The following FUT8 variants were observed in gnomAD, a reference collection of about 807,000 sequenced individuals.
FUT8 encodes fucosyltransferase 8, also known as alpha-(1,6)-fucosyltransferase.
In FUT8, 29 loss-of-function variants were observed where a neutral mutation model predicts 71.3. The ratio of observed to expected loss-of-function variants is 0.41; its 90% confidence interval spans 0.30 to 0.55. The LOEUF (loss-of-function observed/expected upper bound fraction) is 0.55. Among genes scored for constraint, FUT8 ranks in the 20% least tolerant of loss-of-function variants. The pLI, the probability that FUT8 is intolerant of heterozygous loss-of-function variation, is 0.34. For missense variants in FUT8, 544 were observed against 702.1 expected, an observed-to-expected ratio of 0.77 and a Z score of 2.55; for synonymous variants, 254 against 239.3, an observed-to-expected ratio of 1.06 and a Z score of -0.57.
intron 9 of FUT8, among the ~76,000 whole-genome samples, chr14:65,729,692 T>G (rs1895875521): frequency 6.6e-6 from 1 of 152,050 alleles, no homozygotes; most frequent in Admixed American, 6.6e-5. Context: ...ATATAAACAT[T>G]TTACAGCTTT....
chr14:65,593,530 C>T (rs769134335), intron 3 of FUT8, among the ~76,000 whole-genome samples: 16 of 151,396 alleles, frequency 1.1e-4, no homozygotes, highest in South Asian at 4.2e-4. Context: ...TTAAAATAGC[C>T]GTAAAATGAT....
At chr14:65,420,634 C>T (rs2065279486) in intron 1 of FUT8, among the ~76,000 whole-genome samples, 1 of 151,910 alleles carries the variant, frequency 6.6e-6, no homozygotes, top group Admixed American at 6.6e-5. Flanking sequence ...GGAAGTGCAT[C>T]TAAAGTTTAG....
At chr14:65,581,389 A>G (rs1400584933) in intron 3 of FUT8, among the ~76,000 whole-genome samples, 1 of 152,114 alleles carries the variant, frequency 6.6e-6, no homozygotes, top group African/African-American at 2.4e-5. Context: ...GGTACCTGGT[A>G]TTTACCCGTG....
chr14:65,519,402 T>A (rs1882934430), intron 2 of FUT8, among the ~76,000 whole-genome samples: 1 of 152,224 alleles, frequency 6.6e-6, no homozygotes, highest in South Asian at 2.1e-4. Flanking sequence ...ATGGAATGAT[T>A]CCTTTAATGT....
At chr14:65,572,914 G>A (rs1042219788) in intron 3 of FUT8, among the ~76,000 whole-genome samples, 8 of 152,154 alleles carry the variant, frequency 5.3e-5, no homozygotes, top group African/African-American at 1.7e-4. Context: ...TAAAGATATA[G>A]CTGATGTGAA....
chr14:65,427,674 G>T (rs2065410534), intron 1 of FUT8, among the ~76,000 whole-genome samples: 1 of 152,018 alleles, frequency 6.6e-6, no homozygotes, highest in African/African-American at 2.4e-5. Flanking sequence ...TTCCTTCTTA[G>T]TAATTTTAAA....
rs1282390608 is a variant in FUT8 at position 65,742,950 on chromosome 14, T to TGTC, written c.*541_*543dup. Reference sequence around the variant, plus strand: ...GTTTTTGTTTTTTCCTTTATAAGGTTGTCTGTTTTTTTTTTTTTAAATAAT... The same window carrying TGTC: ...GTTTTTGTTTTTTCCTTTATAAGGTTGTCGTCTGTTTTTTTTTTTTTAAATAAT... On this transcript the variant is annotated 3_prime_UTR_variant, in exon 11 of 11. Coordinates refer to ENST00000673929, the MANE Select transcript of FUT8 (RefSeq NM_001371533.1). 6.6e-6 allele frequency: 1 copy of TGTC among 150,816 alleles called. No individual in the cohort carries two copies. Among genetic ancestry groups the TGTC allele is most frequent in the East Asian group, 1.9e-4 (1 of 5,160 alleles). 9.3% of individuals were successfully genotyped at this position (150,816 alleles called of 1,614,324 possible).
In FUT8 at chr14:65,616,287, T is replaced by G. The variant is rs368517345; in HGVS notation, c.396T>G (p.Ser132Arg). The change falls in exon 5 of 11, where the codon AGT becomes AGG. Residue 132 changes from serine (S) to arginine (R), a missense_variant. Physicochemically the swap from Ser to Arg is moderately radical, Grantham distance 110 (BLOSUM62 -1). Transcript: ENST00000673929. ...AAGAGCTCTGGTTTTTCCTACAGAG[T>G]GAATTGAAGAAATTAAAGAACTTAG... ...GAKELWFFLQ[S>R]ELKKLKNLEG... 3.1e-6 allele frequency: 5 copies of G among 1,612,358 alleles called. No individual in the cohort carries two copies. The Admixed American group carries it at 5.0e-5, about 16-fold the overall frequency.
chr14:65,386,029 G>A, the FUT8 span, among the ~76,000 whole-genome samples: 401 of 152,072 alleles, frequency 2.6e-3, 4 homozygotes, highest in African/African-American at 9.2e-3. Context: ...GCATGTGCCT[G>A]TAATCCCAGC....
intron 3 of FUT8, among the ~76,000 whole-genome samples, chr14:65,594,153 C>T (rs546514483): frequency 3.9e-5 from 6 of 152,224 alleles, no homozygotes; most frequent in Non-Finnish European, 8.8e-5. Context: ...AGGGGTGCCT[C>T]GTTTACTCAG....
intron 2 of FUT8, among the ~76,000 whole-genome samples, chr14:65,487,111 A>G (rs1201084566): frequency 2.6e-5 from 4 of 152,114 alleles, no homozygotes; most frequent in African/African-American, 9.7e-5. Flanking sequence ...CCTGAAGGAG[A>G]GTTCTAACTT....
At chr14:65,585,307 C>T (rs1025219227) in intron 3 of FUT8, among the ~76,000 whole-genome samples, 1 of 152,142 alleles carries the variant, frequency 6.6e-6, no homozygotes, top group Non-Finnish European at 1.5e-5. Flanking sequence ...CCACCTCAGC[C>T]TCCCAAGCAG....
intron 2 of FUT8, among the ~76,000 whole-genome samples, chr14:65,501,027 T>TA (rs1392704088): frequency 7.9e-5 from 12 of 152,212 alleles, no homozygotes; most frequent in Non-Finnish European, 1.0e-4. Context: ...CTTATGGACT[T>TA]ACCATGTTTG....
At chr14:65,594,696 G>A (rs1156794188) in intron 3 of FUT8, among the ~76,000 whole-genome samples, 2 of 152,158 alleles carry the variant, frequency 1.3e-5, no homozygotes, top group South Asian at 2.1e-4. Flanking sequence ...CAGTGGAGAG[G>A]GGAGCGAGAA....
At chr14:65,469,627 AG>A (rs1480246002) in intron 2 of FUT8, among the ~76,000 whole-genome samples, 1 of 152,204 alleles carries the variant, frequency 6.6e-6, no homozygotes, top group Admixed American at 6.5e-5. Flanking sequence ...AGAGCTGCAG[AG>A]GGCAGCCCCT....
chr14:65,692,794 G>A (rs1368770776), intron 7 of FUT8, among the ~76,000 whole-genome samples: 1 of 151,636 alleles, frequency 6.6e-6, no homozygotes, highest in African/African-American at 2.4e-5. Flanking sequence ...CTCAGAGGGG[G>A]CGGCCGGGCA....
the FUT8 span, among the ~76,000 whole-genome samples, chr14:65,390,321 CAAA>C: frequency 2.7e-5 from 2 of 73,436 alleles, no homozygotes; most frequent in Non-Finnish European, 3.0e-5. Flanking sequence ...GACTTCGTCT[CAAA>C]AAAAAAAAAA....
At chr14:65,385,114 G>A in the FUT8 span, among the ~76,000 whole-genome samples, 2 of 151,756 alleles carry the variant, frequency 1.3e-5, no homozygotes, top group African/African-American at 4.8e-5. Context: ...GGTCGGGCTG[G>A]TCTCGAACTC....
At chr14:65,432,469 C>T (rs539667491) in intron 1 of FUT8, among the ~76,000 whole-genome samples, 223 of 151,440 alleles carry the variant, frequency 1.5e-3, no homozygotes, top group African/African-American at 4.0e-3. Context: ...TTGTATTCCC[C>T]GTCAGATTCA....
Sources: allele counts gnomAD v4.1 joint callset (sites outside exome capture counted in the v4.1 genomes callset), GRCh38; gene constraint gnomAD v4.1.1; transcripts MANE v1.5; gene names NCBI Gene and HGNC (gene_info 2026-07-23, HGNC 2026-07-21).